Variants in NUDT3 observed in about 807,000 individuals in gnomAD.
The protein encoded by NUDT3 is nudix hydrolase 3.
NUDT3 carries 9 observed loss-of-function variants against 23.6 expected under a neutral mutation model. That is an observed-to-expected ratio of 0.38 (90% CI 0.23 to 0.66). The LOEUF is 0.66. NUDT3 is among the 30% of genes least tolerant of loss of function. The pLI is 0.52. For missense variants in NUDT3, 172 were observed against 218.5 expected, an observed-to-expected ratio of 0.79 and a Z score of 1.34; for synonymous variants, 86 against 82.6, an observed-to-expected ratio of 1.04 and a Z score of -0.22.
At chr6:34,386,474 T>G (rs1384009920) in intron 1 of NUDT3, among the ~76,000 whole-genome samples, 1 of 152,172 alleles carries the variant, frequency 6.6e-6, no homozygotes, top group Admixed American at 6.5e-5. Flanking sequence ...ATCACAGAAC[T>G]TGGCACTCAA....
In NUDT3 at chr6:34,392,244, C is replaced by A; in HGVS notation, c.99+20G>T. ...GGCCGGAGACCCGGCGACCCCGGCC[C>A]GCCCAGCCTGCCGCCTCACCTCCTC... On this transcript the variant is annotated intron_variant, in intron 1 of 4. Coordinates refer to ENST00000607016, the MANE Select transcript of NUDT3 (RefSeq NM_006703.4). 1 of 1,562,420 alleles carries A rather than the reference C, an allele frequency of 6.4e-7. No homozygotes were observed. Among genetic ancestry groups the A allele is most frequent in the Non-Finnish European group, 8.6e-7 (1 of 1,160,934 alleles).
intron 2 of NUDT3, among the ~76,000 whole-genome samples, chr6:34,328,187 G>T (rs148163963): frequency 6.6e-6 from 1 of 152,064 alleles, no homozygotes; most frequent in Non-Finnish European, 1.5e-5. Context: ...CACCACGCCC[G>T]GCCAAGAATC....
intron 2 of NUDT3, among the ~76,000 whole-genome samples, chr6:34,302,733 C>CA (rs1763618589): frequency 1.3e-5 from 2 of 151,810 alleles, no homozygotes; most frequent in Non-Finnish European, 2.9e-5. Context: ...GACTCCGTCT[C>CA]AAAAAAACAA....
chr6:34,388,379 C>T (rs527922291), intron 1 of NUDT3, among the ~76,000 whole-genome samples: 1 of 152,236 alleles, frequency 6.6e-6, no homozygotes, highest in East Asian at 1.9e-4. Context: ...TATATTACTA[C>T]TGTATTAATG....
intron 1 of NUDT3, among the ~76,000 whole-genome samples, chr6:34,381,384 T>A (rs1024149084): frequency 1.3e-5 from 2 of 152,084 alleles, no homozygotes; most frequent in Non-Finnish European, 2.9e-5. Flanking sequence ...ACTCTTCAGT[T>A]TGAAGTATTC....
At chr6:34,351,198 TAAAAAAAAAAA>T (rs71000051) in intron 1 of NUDT3, among the ~76,000 whole-genome samples, 392 of 17,902 alleles carry the variant, frequency 0.022, 35 homozygotes, top group African/African-American at 0.064. Context: ...CTCCCCTGCC[TAAAAAAAAAAA>T]AAAAAAAAAA....
At chr6:34,304,755 G>A (rs917409671) in intron 2 of NUDT3, among the ~76,000 whole-genome samples, 1 of 151,296 alleles carries the variant, frequency 6.6e-6, no homozygotes, top group Non-Finnish European at 1.5e-5. Context: ...TGACTACCCA[G>A]GCTGAAGCAA....
chr6:34,382,865 C>A (rs1040522160), intron 1 of NUDT3, among the ~76,000 whole-genome samples: 2 of 151,750 alleles, frequency 1.3e-5, no homozygotes, highest in African/African-American at 4.8e-5. Context: ...CGGTGGTTCT[C>A]ACCTGTAATC....
At chr6:34,311,818 A>G (rs1020953077) in intron 2 of NUDT3, among the ~76,000 whole-genome samples, 8 of 152,186 alleles carry the variant, frequency 5.3e-5, no homozygotes, top group African/African-American at 1.4e-4. Flanking sequence ...TACAATGGAG[A>G]AAAAAATTGT....
chr6:34,351,333 T>C (rs1764472808), intron 1 of NUDT3, among the ~76,000 whole-genome samples: 1 of 144,758 alleles, frequency 6.9e-6, no homozygotes, highest in Non-Finnish European at 1.5e-5. Flanking sequence ...CCAGACCTAG[T>C]GGCTGGCTGA....
chr6:34,299,102 C>A (rs1330995325), intron 2 of NUDT3, among the ~76,000 whole-genome samples: 4 of 152,162 alleles, frequency 2.6e-5, no homozygotes. Flanking sequence ...CACAAGCAAT[C>A]TGAGAGTGGG....
intron 2 of NUDT3, among the ~76,000 whole-genome samples, chr6:34,313,787 C>T (rs1474367748): frequency 6.6e-6 from 1 of 151,716 alleles, no homozygotes; most frequent in South Asian, 2.1e-4. Context: ...ACAGTGAAAC[C>T]CTATCTCTAC....
At chr6:34,294,782 T>G (rs1300724678) in intron 3 of NUDT3, among the ~76,000 whole-genome samples, 1 of 151,758 alleles carries the variant, frequency 6.6e-6, no homozygotes, top group African/African-American at 2.4e-5. Flanking sequence ...ACCTTTCTTC[T>G]GACATTTTTA....
At chr6:34,327,698 C>T (rs1243658989) in intron 2 of NUDT3, among the ~76,000 whole-genome samples, 1 of 152,134 alleles carries the variant, frequency 6.6e-6, no homozygotes, top group Non-Finnish European at 1.5e-5. Flanking sequence ...GTTTAAGCTT[C>T]CAGATGACTG....
chr6:34,365,192 G>A (rs1446732535), intron 1 of NUDT3, among the ~76,000 whole-genome samples: 2 of 152,132 alleles, frequency 1.3e-5, no homozygotes, highest in African/African-American at 4.8e-5. Context: ...CACTTTGGGA[G>A]GCCAAGGCGG....
intron 2 of NUDT3, among the ~76,000 whole-genome samples, chr6:34,333,155 C>T (rs1237515940): frequency 6.6e-6 from 1 of 152,112 alleles, no homozygotes; most frequent in Non-Finnish European, 1.5e-5. Context: ...AGGATTTTGA[C>T]CACAAGCAGC....
chr6:34,341,958 G>A lies in NUDT3; in HGVS notation c.114C>T (p.Ser38=). ...SESEEEVLLV[S]SSRHPDRWIV... ...TCCATCTGTCTGGATGGCGACTACTGCTCACGAGTAGCACCTGTTAAGTCA... is the reference window on the plus strand; with the variant it reads ...TCCATCTGTCTGGATGGCGACTACTACTCACGAGTAGCACCTGTTAAGTCA... Residue 38 remains serine, a synonymous_variant, in exon 2 of 5, where the codon AGC becomes AGT. Coordinates refer to ENST00000607016, the MANE Select transcript of NUDT3 (RefSeq NM_006703.4). 2.5e-6 allele frequency: 4 copies of A among 1,613,678 alleles called. No homozygotes were observed. Among genetic ancestry groups the A allele is most frequent in the Non-Finnish European group, 3.4e-6 (4 of 1,179,812 alleles).
rs777474834 is a variant in NUDT3 at position 34,319,301 on chromosome 6, C to T, written c.210+22561G>A. On this transcript the variant is annotated intron_variant, in intron 2 of 4. Transcript: ENST00000607016. ...GGTTGAGGGCTCAGTCCCACAACAC[C>T]CTCCTTCCTACCAGTCACAAGTCCA... Among the ~76,000 whole-genome samples, 10 of 152,268 alleles carry T rather than the reference C, an allele frequency of 6.6e-5. No homozygotes were observed. In the South Asian group the frequency reaches 8.3e-4, roughly 13 times the overall value.
At position 34,281,797 on chromosome 6, in the gene NUDT3, C is replaced by T. The variant is rs1410081446; in HGVS notation, c.*6956G>A. On this transcript the variant is annotated 3_prime_UTR_variant, in exon 5 of 5. Coordinates refer to ENST00000607016, the MANE Select transcript of NUDT3 (RefSeq NM_006703.4). ...CAAATTGGATTTTTGAAGGGAGAGT[C>T]CTCTTAGAAAATTCTGAGCAAACAT... is the stretch of plus-strand genomic sequence containing the variant. 6.6e-6 allele frequency: 1 copy of T among 152,176 alleles called. No individual in the cohort carries two copies. The highest frequency in any genetic ancestry group is 1.5e-5 in the Non-Finnish European group (1 of 68,044). The allele number at this position is 152,176 out of a possible 1,614,324, so 9.4% of individuals were successfully genotyped here.
Sources: gnomAD v4.1 joint callset for allele counts (sites outside exome capture counted in the v4.1 genomes callset) on GRCh38, gnomAD v4.1.1 for gene constraint, MANE v1.5 for transcripts, NCBI Gene and HGNC (gene_info 2026-07-23, HGNC 2026-07-21) for gene names.